Variants in FLI1 observed in about 807,000 individuals in gnomAD.
The protein encoded by FLI1 is Friend leukemia integration 1 transcription factor.
In FLI1, 13 loss-of-function variants were observed where a neutral mutation model predicts 53.1. The ratio of observed to expected loss-of-function variants is 0.24; its 90% CI spans 0.16 to 0.39. FLI1 has a LOEUF of 0.39. Among genes scored for constraint, FLI1 ranks in the 10% least tolerant of loss-of-function variants. The probability of loss-of-function intolerance (pLI) is 1.00; values close to 1 mark genes in which losing one functional copy is unlikely to be tolerated. For synonymous variants in FLI1, 244 were observed against 236.7 expected, an observed-to-expected ratio of 1.03 and a Z score of -0.28; for missense variants, 424 against 600.5, an observed-to-expected ratio of 0.71 and a Z score of 3.07.
chr11:128,788,745 ATAT>A lies in FLI1; in HGVS notation c.655+6726_655+6728del, dbSNP rs1436792315. Among the ~76,000 whole-genome samples, 3 of 152,338 alleles carry A rather than the reference ATAT, an allele frequency of 2.0e-5. No homozygotes were observed. The East Asian group carries it at 5.8e-4, about 29-fold the overall frequency. On this transcript the variant is annotated intron_variant, in intron 5 of 8. Transcript: ENST00000527786. ...TATACAATTATTCCTATGTAGGCAG[ATAT>A]TATAGATACATGATACCTTAGTCAG...
chr11:128,791,231 C>T (rs1158708707), intron 5 of FLI1, among the ~76,000 whole-genome samples: 3 of 152,288 alleles, frequency 2.0e-5, no homozygotes, highest in South Asian at 4.1e-4. Flanking sequence ...GGTTCTGACC[C>T]AAAGACCTGT....
intron 1 of FLI1, among the ~76,000 whole-genome samples, chr11:128,715,826 A>G (rs773533882): frequency 3.3e-5 from 5 of 152,202 alleles, no homozygotes; most frequent in Non-Finnish European, 7.4e-5. Flanking sequence ...TCCTGGTTGC[A>G]TTGTGGTCTG....
At chr11:128,777,612 C>CA (rs1941775817) in intron 4 of FLI1, among the ~76,000 whole-genome samples, 1 of 152,192 alleles carries the variant, frequency 6.6e-6, no homozygotes, top group Non-Finnish European at 1.5e-5. Flanking sequence ...GCCAGCTGAA[C>CA]AAAAGGCCAG....
intron 1 of FLI1, among the ~76,000 whole-genome samples, chr11:128,720,990 C>A (rs79078715): frequency 0.018 from 2,811 of 152,334 alleles, 50 homozygotes; most frequent in Admixed American, 0.047. Context: ...TCCACCCAGT[C>A]AAGTTCTGCA....
intron 1 of FLI1, among the ~76,000 whole-genome samples, chr11:128,752,199 C>T (rs1443769309): frequency 6.6e-6 from 1 of 151,976 alleles, no homozygotes; most frequent in Non-Finnish European, 1.5e-5. Context: ...TGTTCTCAAC[C>T]TCCTGGCCTC....
chr11:128,735,765 A>G (rs1939886959), intron 1 of FLI1, among the ~76,000 whole-genome samples: 1 of 152,122 alleles, frequency 6.6e-6, no homozygotes, highest in African/African-American at 2.4e-5. Flanking sequence ...GCCTCCCCCC[A>G]CCTTTAGATG....
At chr11:128,771,904 A>T (rs1234615627) in intron 3 of FLI1, among the ~76,000 whole-genome samples, 6 of 152,098 alleles carry the variant, frequency 3.9e-5, no homozygotes, top group African/African-American at 1.4e-4. Context: ...TGTTTATTGG[A>T]CCCACTAACC....
At position 128,810,869 on chromosome 11, in the gene FLI1, A is replaced by G; in HGVS notation, c.1240A>G (p.Ser414Gly). The G allele has an allele frequency of 1.2e-6, 2 of 1,613,986 alleles. No individual in the cohort carries two copies. The highest frequency in any genetic ancestry group is 1.7e-5 in the Admixed American group (1 of 60,012). Residue 414 changes from serine to glycine, a missense_variant, in exon 9 of 9, where the codon AGC becomes GGC. This residue lies in a region of FLI1 where 87 missense variants were observed against 100.0 expected (regional missense o/e 0.87). Transcript: ENST00000527786. This position sits in a 1 kb window ranked among gnomAD's most constrained non-coding sequence, Gnocchi z 6.6. Reference sequence around the variant, plus strand: ...ATCCTCCATGCCTGTCACTTCCTCCAGCTTCTTTGGAGCCGCATCACAATA... The same window carrying G: ...ATCCTCCATGCCTGTCACTTCCTCCGGCTTCTTTGGAGCCGCATCACAATA... ...HPSSMPVTSS[S>G]FFGAASQYWT...
At position 128,809,178 on chromosome 11, in the gene FLI1, C is replaced by T. The variant is rs751545687; in HGVS notation, c.803C>T (p.Pro268Leu). 29 of 1,613,812 alleles carry T rather than the reference C, an allele frequency of 1.8e-5. No individual in the cohort carries two copies. The highest frequency in any genetic ancestry group is 2.2e-5 in the East Asian group (1 of 44,898). Reference sequence around the variant, plus strand: ...TTAGATCCGTATCAGATCCTGGGCCCGACCAGCAGTCGCCTAGCCAACCCT... The same window carrying T: ...TTAGATCCGTATCAGATCCTGGGCCTGACCAGCAGTCGCCTAGCCAACCCT... ...PQPDPYQILGPTSSRLANPGS... is the reference protein window; with the variant it reads ...PQPDPYQILGLTSSRLANPGS... Residue 268 changes from proline to leucine, a missense_variant, in exon 8 of 9, where the codon CCG becomes CTG. Transcript: ENST00000527786.
At chr11:128,732,009 A>G (rs978133632) in intron 1 of FLI1, among the ~76,000 whole-genome samples, 21 of 151,742 alleles carry the variant, frequency 1.4e-4, no homozygotes, top group Admixed American at 2.6e-4. Context: ...TCTCAAAAAA[A>G]AAAAGAAAAG....
chr11:128,762,918 T>C (rs1264353839), intron 2 of FLI1, among the ~76,000 whole-genome samples: 1 of 151,656 alleles, frequency 6.6e-6, no homozygotes, highest in Non-Finnish European at 1.5e-5. Flanking sequence ...ATCATGCCAC[T>C]GGACTCCGGT....
intron 1 of FLI1, among the ~76,000 whole-genome samples, chr11:128,697,399 T>C (rs1364116979): frequency 6.6e-6 from 1 of 152,238 alleles, no homozygotes; most frequent in East Asian, 1.9e-4. Flanking sequence ...TGCTACCTAG[T>C]AGCTGTGTGC....
At chr11:128,746,595 G>A (rs758625140) in intron 1 of FLI1, among the ~76,000 whole-genome samples, 1 of 152,140 alleles carries the variant, frequency 6.6e-6, no homozygotes, top group Non-Finnish European at 1.5e-5. Context: ...AGGCCTCAAG[G>A]GACATTCTTA....
chr11:128,722,531 C>T (rs1281612503), intron 1 of FLI1, among the ~76,000 whole-genome samples: 5 of 152,226 alleles, frequency 3.3e-5, no homozygotes, highest in Non-Finnish European at 7.3e-5. Flanking sequence ...GGCAATGCAG[C>T]TTTGTCTGCT....
Position 128,810,936 on chromosome 11 carries a change from T to TC in FLI1, c.1312dup (p.Arg438ProfsTer4). 2 of 1,613,816 alleles carry TC rather than the reference T, an allele frequency of 1.2e-6. No individual in the cohort carries two copies. Among genetic ancestry groups the TC allele is most frequent in the Non-Finnish European group, 1.7e-6 (2 of 1,179,852 alleles). ...GGGGGAATCTACCCCAACCCCAACGTCCCCCGCCATCCTAACACCCACGTG... is the reference window on the plus strand; with the variant it reads ...GGGGGAATCTACCCCAACCCCAACGTCCCCCCGCCATCCTAACACCCACGTG... On this transcript the variant is annotated frameshift_variant, in exon 9 of 9. Transcript: ENST00000527786. LOFTEE classifies it high-confidence loss of function. The surrounding 1 kb of genome is among the most constrained non-coding windows in gnomAD (Gnocchi z 6.6).
At chr11:128,735,924 A>T (rs183393329) in intron 1 of FLI1, among the ~76,000 whole-genome samples, 2 of 152,374 alleles carry the variant, frequency 1.3e-5, no homozygotes, top group Admixed American at 1.3e-4. Context: ...AAATAGGACA[A>T]GACAATCGAA....
At chr11:128,798,704 A>G (rs1243221620) in intron 5 of FLI1, among the ~76,000 whole-genome samples, 3 of 152,202 alleles carry the variant, frequency 2.0e-5, no homozygotes, top group African/African-American at 7.2e-5. Flanking sequence ...CCTCCTTCCA[A>G]GGTCTCAGTG....
At chr11:128,766,950 T>TTCTCCTTGGCCTTCCCATCA (rs1555118770) in intron 2 of FLI1, among the ~76,000 whole-genome samples, 1 of 151,026 alleles carries the variant, frequency 6.6e-6, no homozygotes, top group Non-Finnish European at 1.5e-5. Flanking sequence ...CGGCTACAGC[T>TTCTCCTTGGCCTTCCCATCA]TCTCCTTGGC....
At chr11:128,724,331 A>C (rs2135741465) in intron 1 of FLI1, among the ~76,000 whole-genome samples, 1 of 152,254 alleles carries the variant, frequency 6.6e-6, no homozygotes, top group East Asian at 1.9e-4. Context: ...TGAACATGGG[A>C]TGGTGCCAGG....
Sources: allele counts gnomAD v4.1 joint callset (sites outside exome capture counted in the v4.1 genomes callset), GRCh38; gene constraint gnomAD v4.1.1; regional missense constraint gnomAD v4.1.1; non-coding constraint Gnocchi (gnomAD v3.1); transcripts MANE v1.5; gene names NCBI Gene and HGNC (gene_info 2026-07-23, HGNC 2026-07-21).